The following CREB5 variants were observed in gnomAD, a reference collection of about 807,000 sequenced individuals.
The protein encoded by CREB5 is cAMP responsive element binding protein 5.
Under a neutral mutation model 57.1 loss-of-function variants are expected in CREB5, and 19 were observed. The ratio of observed to expected loss-of-function variants is 0.33; its 90% CI spans 0.23 to 0.49. The LOEUF (loss-of-function observed/expected upper bound fraction) is 0.49, where lower values mean the gene tolerates loss of function less well. CREB5 is among the 20% of genes least tolerant of loss of function. The pLI is 0.99. For missense variants in CREB5, 579 were observed against 671.6 expected (o/e 0.86, Z 1.52); for synonymous variants, 238 against 238.3 (o/e 1.00, Z 0.01).
chr7:28,753,509 ATCT>A lies in CREB5; in HGVS notation c.702+29182_702+29184del, dbSNP rs534601915. On this transcript the variant is annotated intron_variant, in intron 7 of 10. Transcript: ENST00000357727. The stretch of plus-strand genomic sequence containing the variant: ...TTAGTTTTCCAATTCTTGTGCTATA[ATCT>A]TCTTATATTAACAACAGGAAGATAT... Among the ~76,000 whole-genome samples the A allele has an allele frequency of 1.0e-3, 158 of 152,300 alleles. 1 individual carries two copies. The highest frequency in any genetic ancestry group is 3.6e-3 in the African/African-American group (149 of 41,564).
intron 4 of CREB5, among the ~76,000 whole-genome samples, chr7:28,532,084 C>T (rs530383125): frequency 1.2e-4 from 18 of 152,278 alleles, no homozygotes; most frequent in Non-Finnish European, 2.1e-4. Context: ...ATTACTTCAA[C>T]GCAAGACACC....
chr7:28,367,170 T>G (rs1464733916), intron 1 of CREB5, among the ~76,000 whole-genome samples: 3 of 138,354 alleles, frequency 2.2e-5, no homozygotes, highest in Non-Finnish European at 4.9e-5. Flanking sequence ...TGGGTATCAT[T>G]CCTGGGTCCC....
intron 1 of CREB5, among the ~76,000 whole-genome samples, chr7:28,312,221 C>T (rs891739428): frequency 4.6e-5 from 7 of 151,402 alleles, no homozygotes; most frequent in African/African-American, 1.7e-4. Context: ...TTTTAGCTAG[C>T]AGTGCCTAGT....
intron 5 of CREB5, among the ~76,000 whole-genome samples, chr7:28,716,511 T>G (rs530627985): frequency 1.3e-5 from 2 of 152,322 alleles, no homozygotes; most frequent in African/African-American, 4.8e-5. Flanking sequence ...TATAGACGGA[T>G]GGATAGATGG....
Position 28,604,908 on chromosome 7 carries a change from C to T in CREB5, c.464+34371C>T, listed in dbSNP as rs142542358. 1.6e-4 allele frequency among the ~76,000 whole-genome samples: 24 copies of T among 152,044 alleles called. No individual in the cohort carries two copies. In the East Asian group the frequency reaches 4.6e-3, roughly 29 times the overall value. On this transcript the variant is annotated intron_variant, in intron 5 of 10. Coordinates refer to ENST00000357727, the MANE Select transcript of CREB5 (RefSeq NM_182898.4). Reference sequence around the variant, plus strand: ...ATGTAAATGATTTAGTATTTGCATCCTACCCCAGGGACCTGGGAGAATTAA... The same window carrying T: ...ATGTAAATGATTTAGTATTTGCATCTTACCCCAGGGACCTGGGAGAATTAA...
At chr7:28,568,560 C>T (rs1220177936) in intron 4 of CREB5, among the ~76,000 whole-genome samples, 1 of 152,214 alleles carries the variant, frequency 6.6e-6, no homozygotes, top group East Asian at 1.9e-4. Flanking sequence ...GCCACCAATG[C>T]ACATTGCCAT....
chr7:28,635,144 T>G (rs150485966), intron 5 of CREB5, among the ~76,000 whole-genome samples: 81 of 152,308 alleles, frequency 5.3e-4, no homozygotes, highest in African/African-American at 1.9e-3. Flanking sequence ...GGCCAAAGGC[T>G]TCACCTTTCA....
chr7:28,808,965 A>G (rs543809295), intron 8 of CREB5, among the ~76,000 whole-genome samples: 4 of 152,128 alleles, frequency 2.6e-5, no homozygotes, highest in Non-Finnish European at 5.9e-5. Context: ...AGTCATTCCT[A>G]TATCTTGCCA....
chr7:28,759,866 C>T (rs1805546757), intron 7 of CREB5, among the ~76,000 whole-genome samples: 1 of 152,114 alleles, frequency 6.6e-6, no homozygotes, highest in South Asian at 2.1e-4. Flanking sequence ...CTGTGGTATG[C>T]CGTGGTTGTT....
chr7:28,603,990 G>T (rs1442699693), intron 5 of CREB5, among the ~76,000 whole-genome samples: 3 of 152,140 alleles, frequency 2.0e-5, no homozygotes, highest in Non-Finnish European at 4.4e-5. Flanking sequence ...GCAGGATGGG[G>T]TGCGTAAAAG....
intron 7 of CREB5, among the ~76,000 whole-genome samples, chr7:28,729,126 A>G (rs1400407624): frequency 6.6e-6 from 1 of 152,232 alleles, no homozygotes; most frequent in East Asian, 1.9e-4. Context: ...TAATGAATCA[A>G]TGAAAGAAGC....
intron 1 of CREB5, among the ~76,000 whole-genome samples, chr7:28,487,033 T>C (rs936029298): frequency 1.3e-5 from 2 of 152,148 alleles, no homozygotes; most frequent in African/African-American, 4.8e-5. Context: ...ATGTTTATTT[T>C]TGAGACGGAG....
At chr7:28,666,273 T>C (rs1235067473) in intron 5 of CREB5, among the ~76,000 whole-genome samples, 1 of 152,108 alleles carries the variant, frequency 6.6e-6, no homozygotes, top group Admixed American at 6.6e-5. Context: ...CCCTTATAAA[T>C]GTATATGACT....
intron 5 of CREB5, among the ~76,000 whole-genome samples, chr7:28,646,151 A>C (rs1236477807): frequency 1.3e-5 from 2 of 152,148 alleles, no homozygotes; most frequent in African/African-American, 2.4e-5. Context: ...GTCCCTCATA[A>C]TAGATCTGTT....
chr7:28,561,590 A>G (rs1378802172), intron 4 of CREB5, among the ~76,000 whole-genome samples: 1 of 152,256 alleles, frequency 6.6e-6, no homozygotes, highest in Non-Finnish European at 1.5e-5. Context: ...TGAAGTACAG[A>G]GAAGCTATAA....
intron 1 of CREB5, among the ~76,000 whole-genome samples, chr7:28,460,433 G>A (rs947404894): frequency 1.3e-5 from 2 of 152,130 alleles, no homozygotes; most frequent in East Asian, 1.9e-4. Context: ...ACAAAGAGAC[G>A]AAGCATAGAC....
At chr7:28,472,310 T>C (rs1349111522) in intron 1 of CREB5, among the ~76,000 whole-genome samples, 2 of 152,236 alleles carry the variant, frequency 1.3e-5, no homozygotes, top group African/African-American at 4.8e-5. Context: ...GTATATTTAC[T>C]ATATACTAGA....
chr7:28,431,175 C>G (rs6943506), intron 1 of CREB5, among the ~76,000 whole-genome samples: 8,883 of 152,260 alleles, frequency 0.058, 331 homozygotes, highest in South Asian at 0.08. Context: ...GACATCCCAT[C>G]TCATTTGCCA....
At chr7:28,639,700 C>A (rs952440560) in intron 5 of CREB5, among the ~76,000 whole-genome samples, 1 of 152,092 alleles carries the variant, frequency 6.6e-6, no homozygotes, top group Non-Finnish European at 1.5e-5. Context: ...GCCCTGAAAT[C>A]ATGTCTTATC....
Sources: allele counts gnomAD v4.1 joint callset (sites outside exome capture counted in the v4.1 genomes callset), GRCh38; gene constraint gnomAD v4.1.1; transcripts MANE v1.5; gene names NCBI Gene and HGNC (gene_info 2026-07-23, HGNC 2026-07-21).